Variants in ABLIM3 observed in about 807,000 individuals in gnomAD.
ABLIM3 encodes actin binding LIM protein family member 3.
Under a neutral mutation model 109.5 loss-of-function variants are expected in ABLIM3, and 61 were observed. That is an observed-to-expected ratio of 0.56 (90% CI 0.45 to 0.69). The LOEUF (loss-of-function observed/expected upper bound fraction) is 0.69, where lower values mean the gene tolerates loss of function less well. Among genes scored for constraint, ABLIM3 ranks in the 30% least tolerant of loss-of-function variants. The pLI is 0.00. For synonymous variants in ABLIM3, 300 were observed against 324.8 expected, an observed-to-expected ratio of 0.92 and a Z score of 0.82; for missense variants, 796 against 889.5, an observed-to-expected ratio of 0.89 and a Z score of 1.34.
intron 8 of ABLIM3, among the ~76,000 whole-genome samples, chr5:149,228,811 C>T (rs556078705): frequency 2.6e-4 from 40 of 151,974 alleles, no homozygotes; most frequent in Non-Finnish European, 4.0e-4. Context: ...ATATGCTTTC[C>T]GGTATGCAGA....
rs145059030 is a variant in ABLIM3, at chr5:149,187,532, A to G, written c.151+3943A>G. Among the ~76,000 whole-genome samples, 942 of 152,400 alleles carry G rather than the reference A, an allele frequency of 6.2e-3. 6 individuals carry two copies. The highest frequency in any genetic ancestry group is 0.01 in the Non-Finnish European group (703 of 68,042). ...AAACCTACAACTAAGATTATACTTAATGGTGAAAGACCGAATGTTTCTGTT... is the reference window on the plus strand; with the variant it reads ...AAACCTACAACTAAGATTATACTTAGTGGTGAAAGACCGAATGTTTCTGTT... On this transcript the variant is annotated intron_variant, in intron 3 of 23. Transcript: ENST00000309868.
At chr5:149,206,001 A>C (rs1440018035) in intron 5 of ABLIM3, among the ~76,000 whole-genome samples, 2 of 151,294 alleles carry the variant, frequency 1.3e-5, no homozygotes, top group Non-Finnish European at 2.9e-5. Flanking sequence ...TCTCCTCACT[A>C]CTCCCAAGTG....
At chr5:149,254,136 G>T (rs1754218584) in intron 23 of ABLIM3, among the ~76,000 whole-genome samples, 1 of 152,144 alleles carries the variant, frequency 6.6e-6, no homozygotes, top group Non-Finnish European at 1.5e-5. Context: ...GACACGTGGG[G>T]ATTATTACAA....
At chr5:149,188,336 A>G (rs1757167786) in intron 3 of ABLIM3, among the ~76,000 whole-genome samples, 1 of 152,272 alleles carries the variant, frequency 6.6e-6, no homozygotes, top group Non-Finnish European at 1.5e-5. Flanking sequence ...ATCAAATACC[A>G]AAATCAATTA....
chr5:149,195,610 G>C (rs1757888804), intron 3 of ABLIM3, among the ~76,000 whole-genome samples: 1 of 151,954 alleles, frequency 6.6e-6, no homozygotes, highest in East Asian at 1.9e-4. Flanking sequence ...GTTGGCAAAG[G>C]AGACAAAGGA....
At chr5:149,224,247 A>C (rs1486640945) in intron 8 of ABLIM3, among the ~76,000 whole-genome samples, 1 of 152,192 alleles carries the variant, frequency 6.6e-6, no homozygotes, top group Non-Finnish European at 1.5e-5. Flanking sequence ...AATATACTTT[A>C]ATTACTGTCC....
chr5:149,242,401 A>G, intron 14 of ABLIM3, 90 bp from the exon 15 acceptor site: 2 of 1,346,056 alleles, frequency 1.5e-6, no homozygotes, highest in Non-Finnish European at 2.1e-6. Context: ...CTCTTCTGAG[A>G]TCAACTGACC....
intron 23 of ABLIM3, 61 bp from the exon 24 acceptor site, chr5:149,258,230 T>C: frequency 1.3e-6 from 2 of 1,507,680 alleles, no homozygotes; most frequent in Non-Finnish European, 1.8e-6. Context: ...CCCTGCATCT[T>C]GCATCCTCAT....
Position 149,247,651 on chromosome 5 carries a change from G to A in ABLIM3, c.1552-131G>A, listed in dbSNP as rs188185935. The A allele has an allele frequency of 1.4e-4, 164 of 1,166,246 alleles. 1 individual carries two copies. In the East Asian group the frequency reaches 2.8e-3, roughly 20 times the overall value. The allele number at this position is 1,166,246 out of a possible 1,614,324, so 72.2% of individuals were successfully genotyped here. On this transcript the variant is annotated intron_variant, in intron 17 of 23. Transcript: ENST00000309868. ...GAAACATGGGTGCCACAAGGTGGGAGGGACGCTGGGAAGGCAAACATGAGA... is the reference window on the plus strand; with the variant it reads ...GAAACATGGGTGCCACAAGGTGGGAAGGACGCTGGGAAGGCAAACATGAGA...
intron 3 of ABLIM3, among the ~76,000 whole-genome samples, chr5:149,195,515 T>C (rs1275007254): frequency 1.3e-5 from 2 of 152,200 alleles, no homozygotes; most frequent in African/African-American, 4.8e-5. Flanking sequence ...CTTCAGCTCC[T>C]TGGGGGCAAT....
intron 23 of ABLIM3, among the ~76,000 whole-genome samples, chr5:149,257,918 G>A (rs1035281212): frequency 3.3e-5 from 5 of 152,120 alleles, no homozygotes; most frequent in Admixed American, 1.3e-4. Flanking sequence ...CTCTCAACGG[G>A]GAGTGGGATA....
chr5:149,174,199 C>A (rs919399388), intron 2 of ABLIM3, among the ~76,000 whole-genome samples: 2 of 151,654 alleles, frequency 1.3e-5, no homozygotes, highest in African/African-American at 2.4e-5. Context: ...GCATTCCATG[C>A]GTGGTTTGCA....
intron 11 of ABLIM3, 63 bp from the exon 12 acceptor site, chr5:149,239,185 T>C (rs148808741): frequency 8.3e-6 from 13 of 1,561,038 alleles, no homozygotes; most frequent in South Asian, 3.3e-5. Context: ...CTGTCCTTCG[T>C]CTCGTCCTCC....
chr5:149,162,964 A>T (rs530871553), intron 2 of ABLIM3, among the ~76,000 whole-genome samples: 1 of 152,208 alleles, frequency 6.6e-6, no homozygotes, highest in African/African-American at 2.4e-5. Context: ...AGGGAGCAGG[A>T]TGCATTGGAA....
At chr5:149,192,977 A>G (rs1452551173) in intron 3 of ABLIM3, among the ~76,000 whole-genome samples, 1 of 152,224 alleles carries the variant, frequency 6.6e-6, no homozygotes, top group Non-Finnish European at 1.5e-5. Flanking sequence ...TTTAATAAAT[A>G]CATTGCAAGG....
At chr5:149,214,273 T>C (rs1044106989) in intron 7 of ABLIM3, among the ~76,000 whole-genome samples, 8 of 152,338 alleles carry the variant, frequency 5.3e-5, no homozygotes, top group African/African-American at 1.9e-4. Context: ...AGCGAAATCA[T>C]TTAGAATCCC....
chr5:149,189,839 G>GC (rs1757311091), intron 3 of ABLIM3, among the ~76,000 whole-genome samples: 1 of 152,106 alleles, frequency 6.6e-6, no homozygotes, highest in Non-Finnish European at 1.5e-5. Context: ...GTATGACCCA[G>GC]CAATTCCAAA....
chr5:149,146,654 A>G (rs376787876), intron 2 of ABLIM3, among the ~76,000 whole-genome samples: 1 of 152,118 alleles, frequency 6.6e-6, no homozygotes. Flanking sequence ...TGGGTTCTCT[A>G]TTCTGTTCCA....
intron 2 of ABLIM3, among the ~76,000 whole-genome samples, chr5:149,182,280 G>T (rs974016074): frequency 6.6e-6 from 1 of 152,166 alleles, no homozygotes; most frequent in Admixed American, 6.5e-5. Context: ...CTTCAATCAG[G>T]TGGTTATCTT....
Sources: gnomAD v4.1 joint callset for allele counts (sites outside exome capture counted in the v4.1 genomes callset) on GRCh38, gnomAD v4.1.1 for gene constraint, MANE v1.5 for transcripts, NCBI Gene and HGNC (gene_info 2026-07-23, HGNC 2026-07-21) for gene names.